Variants in MAST1 observed in about 807,000 individuals in gnomAD.
MAST1 encodes the protein microtubule associated serine/threonine kinase 1, also known as microtubule-associated serine/threonine-protein kinase 1.
In MAST1, 40 loss-of-function variants were observed where a neutral mutation model predicts 124.6. The ratio of observed to expected loss-of-function variants is 0.32; its 90% confidence interval spans 0.25 to 0.42. The LOEUF is 0.42. Among genes scored for constraint, MAST1 ranks in the 10% least tolerant of loss-of-function variants. The pLI, the probability that MAST1 is intolerant of heterozygous loss-of-function variation, is 1.00. For synonymous variants in MAST1, 938 were observed against 939.4 expected (o/e 1.00, Z 0.03); for missense variants, 1,558 against 2,181.9 (o/e 0.71, Z 5.70).
rs1044103377 is a variant in MAST1, at chr19:12,841,210, A to G, written c.248+144A>G. 5.1e-6 allele frequency: 3 copies of G among 587,804 alleles called. No individual in the cohort carries two copies. The African/African-American group carries it at 5.8e-5, about 11-fold the overall frequency. The allele number at this position is 587,804 out of a possible 1,614,324, so 36.4% of individuals were successfully genotyped here. ...GTGCCCCAAGGTCTCAGCGGGAAGG[A>G]GCGCCTAGCCTTCGGGGCGGGGCCT... On this transcript the variant is annotated intron_variant, in intron 3 of 25. Transcript: ENST00000251472. The surrounding 1 kb of genome is among the most constrained non-coding windows in gnomAD (Gnocchi z 4.3).
chr19:12,855,774 A>C (rs1970010174), intron 10 of MAST1, among the ~76,000 whole-genome samples: 1 of 152,196 alleles, frequency 6.6e-6, no homozygotes, highest in Non-Finnish European at 1.5e-5. Context: ...AAAGGTATTT[A>C]TCTCTCATTG....
rs1969908778 is a variant in MAST1 at position 12,847,544 on chromosome 19, C to T, written c.489-68C>T. Reference sequence around the variant, plus strand: ...GTCCCCGCGAATAAAAGGGTTACATCTTGGGGCGGGGGCTCTCTGCGGGCT... The same window carrying T: ...GTCCCCGCGAATAAAAGGGTTACATTTTGGGGCGGGGGCTCTCTGCGGGCT... On this transcript the variant is annotated intron_variant, in intron 5 of 25. Coordinates refer to ENST00000251472, the MANE Select transcript of MAST1 (RefSeq NM_014975.3). The surrounding 1 kb of genome is among the most constrained non-coding windows in gnomAD (Gnocchi z 5.5). 1 of 1,613,134 alleles carries T rather than the reference C, an allele frequency of 6.2e-7. No homozygotes were observed. Among genetic ancestry groups the T allele is most frequent in the East Asian group, 2.2e-5 (1 of 44,854 alleles).
chr19:12,852,098 C>A lies in MAST1; in HGVS notation c.877-17C>A, dbSNP rs755259094. ...ACCCTGGGAGCCTGTGGTGAGCCCA[C>A]TCCTGCCCTGCCTCAGGAATTCAAC... is the stretch of plus-strand genomic sequence containing the variant. On this transcript the variant is annotated splice_polypyrimidine_tract_variant and intron_variant, in intron 8 of 25. Transcript: ENST00000251472. 2.5e-6 allele frequency: 4 copies of A among 1,613,548 alleles called. No individual in the cohort carries two copies. Among genetic ancestry groups the A allele is most frequent in the Non-Finnish European group, 3.4e-6 (4 of 1,179,742 alleles).
rs1970148520 is a variant in MAST1, at chr19:12,865,923, G to A, written c.1907-57G>A. 3 of 1,611,290 alleles carry A rather than the reference G, an allele frequency of 1.9e-6. No homozygotes were observed. The highest frequency in any genetic ancestry group is 1.8e-4 in the Middle Eastern group (1 of 5,578). ...GGCCCCGGGGCGGAAGACATGGGGG[G>A]CGGGGCTGGGCTGCTGGGTTGGCCA... On this transcript the variant is annotated intron_variant, in intron 16 of 25. Transcript: ENST00000251472. This position sits in a 1 kb window ranked among gnomAD's most constrained non-coding sequence, Gnocchi z 7.1.
intron 24 of MAST1, 86 bp from the exon 25 acceptor site, chr19:12,873,238 G>A: frequency 7.4e-7 from 1 of 1,358,818 alleles, no homozygotes; most frequent in South Asian, 1.3e-5. Flanking sequence ...GGGGTGGGTG[G>A]TTACCGTTGT....
chr19:12,863,459 C>T (rs1046691281), intron 12 of MAST1, among the ~76,000 whole-genome samples: 2 of 152,144 alleles, frequency 1.3e-5, no homozygotes, highest in East Asian at 3.8e-4. Flanking sequence ...CTTTCTTGGT[C>T]ATTGGTGATT....
At chr19:12,848,097 A>G (rs1969918963) in intron 7 of MAST1, 40 bp downstream of exon 7, 1 of 1,578,148 alleles carries the variant, frequency 6.3e-7, no homozygotes, top group Non-Finnish European at 8.7e-7. Context: ...CAGGCTCAGC[A>G]CCGCCAGATT....
In MAST1 at chr19:12,847,280, CT is replaced by C. The variant is rs775103264; in HGVS notation, c.328-9del. The C allele has an allele frequency of 1.4e-5, 22 of 1,606,210 alleles. No homozygotes were observed. The highest frequency in any genetic ancestry group is 1.7e-5 in the Non-Finnish European group (20 of 1,174,350). ...GGTGGCTCTGACCCCGGCCCTGCCC[CT>C]GTCCCCAGTCCTCCTGCTCCTCCCA... On this transcript the variant is annotated splice_polypyrimidine_tract_variant and intron_variant, in intron 4 of 25. Coordinates refer to ENST00000251472, the MANE Select transcript of MAST1 (RefSeq NM_014975.3). This position sits in a 1 kb window ranked among gnomAD's most constrained non-coding sequence, Gnocchi z 5.5.
intron 12 of MAST1, among the ~76,000 whole-genome samples, chr19:12,859,790 A>G (rs920063189): frequency 6.8e-6 from 1 of 146,070 alleles, no homozygotes; most frequent in Non-Finnish European, 1.5e-5. Flanking sequence ...ATGCCATTGC[A>G]CTCCAGCCCT....
At position 12,869,171 on chromosome 19, in the gene MAST1, C is replaced by T; in HGVS notation, c.2879C>T (p.Ala960Val). 1 of 1,614,250 alleles carries T rather than the reference C, an allele frequency of 6.2e-7. No individual in the cohort carries two copies. The highest frequency in any genetic ancestry group is 8.5e-7 in the Non-Finnish European group (1 of 1,180,040). Residue 960 changes from alanine (A) to valine (V), a missense_variant, in exon 22 of 26, where the codon GCT (alanine) becomes GTT (valine). This residue lies in a region of MAST1 where 291 missense variants were observed against 475.8 expected (regional missense o/e 0.61). Coordinates refer to ENST00000251472, the MANE Select transcript of MAST1 (RefSeq NM_014975.3). Reference sequence around the variant, plus strand: ...TCACCCAGCCGGGACTACTCACCAGCTGTCAGTGGGCTCCGCTCCCCCATC... The same window carrying T: ...TCACCCAGCCGGGACTACTCACCAGTTGTCAGTGGGCTCCGCTCCCCCATC... ...DSSPSRDYSPAVSGLRSPITI... is the reference protein window; with the variant it reads ...DSSPSRDYSPVVSGLRSPITI...
Position 12,874,026 on chromosome 19 carries a change from G to A in MAST1, c.3869G>A (p.Gly1290Asp). ...CTGCGCAAACACAGCCTCGAGGTGG[G>A]CCACCCGGATTTCCGCAAGGACTTC... ...GALRKHSLEV[G>D]HPDFRKDFHG... Residue 1290 changes from glycine (G) to aspartate (D), a missense_variant, in exon 26 of 26, where the codon GGC becomes GAC. Coordinates refer to ENST00000251472, the MANE Select transcript of MAST1 (RefSeq NM_014975.3). This position sits in a 1 kb window ranked among gnomAD's most constrained non-coding sequence, Gnocchi z 6.6. 6.2e-7 allele frequency: 1 copy of A among 1,605,304 alleles called. No individual in the cohort carries two copies. Among genetic ancestry groups the A allele is most frequent in the Non-Finnish European group, 8.5e-7 (1 of 1,178,670 alleles).
In MAST1 at chr19:12,866,219, T is replaced by G. The variant is rs1599589147; in HGVS notation, c.2029+117T>G. 2.9e-6 allele frequency: 3 copies of G among 1,037,460 alleles called. No homozygotes were observed. The highest frequency in any genetic ancestry group is 3.7e-5 in the Admixed American group (1 of 27,012). The allele number at this position is 1,037,460 out of a possible 1,614,324, so 64.3% of individuals were successfully genotyped here. A position where few individuals can be genotyped will look rare whatever the true frequency, so the allele number is the denominator to read the frequency against. On this transcript the variant is annotated intron_variant, in intron 17 of 25. Coordinates refer to ENST00000251472, the MANE Select transcript of MAST1 (RefSeq NM_014975.3). The surrounding 1 kb of genome is among the most constrained non-coding windows in gnomAD (Gnocchi z 5.2). Reference sequence around the variant, plus strand: ...TAAGTACCAAGATGTGATGCCTAGGTGCGAAGGTGGTATTTTGGTGGGGGC... The same window carrying G: ...TAAGTACCAAGATGTGATGCCTAGGGGCGAAGGTGGTATTTTGGTGGGGGC...
chr19:12,849,107 A>T (rs1028282577), intron 7 of MAST1: 1 of 152,378 alleles, frequency 6.6e-6, no homozygotes, highest in Non-Finnish European at 1.5e-5. Context: ...TCCTTCTCCA[A>T]TGTCAGCCCC....
Position 12,867,905 on chromosome 19 carries a change from T to C in MAST1, c.2494T>C (p.Ser832Pro), listed in dbSNP as rs1424390140. The C allele has an allele frequency of 1.9e-6, 3 of 1,601,886 alleles. No individual in the cohort carries two copies. The highest frequency in any genetic ancestry group is 2.6e-6 in the Non-Finnish European group (3 of 1,175,790). The change falls in exon 20 of 26, where the codon TCC becomes CCC. Residue 832 changes from serine to proline, a missense_variant. Physicochemically the swap from Ser to Pro is moderately conservative, Grantham distance 74. Coordinates refer to ENST00000251472, the MANE Select transcript of MAST1 (RefSeq NM_014975.3). ...CCGGCCCAGCTCCGACCCCGCGGGATCCCTGGATGCACGGGCCCCCAAAGA... is the reference window on the plus strand; with the variant it reads ...CCGGCCCAGCTCCGACCCCGCGGGACCCCTGGATGCACGGGCCCCCAAAGA... ...PPRPSSDPAG[S>P]LDARAPKEET...
In MAST1 at chr19:12,852,370, C is replaced by G; in HGVS notation, c.1052C>G (p.Thr351Ser). 1.2e-6 allele frequency: 2 copies of G among 1,614,086 alleles called. No individual in the cohort carries two copies. Among genetic ancestry groups the G allele is most frequent in the South Asian group, 2.2e-5 (2 of 91,080 alleles). Residue 351 changes from threonine (T) to serine (S), a missense_variant, in exon 10 of 26, where the codon ACC becomes AGC. Thr to Ser is a moderately conservative substitution (Grantham distance 58, BLOSUM62 1). Around this residue, in one of 10 missense-constraint regions of MAST1, gnomAD observed 136 missense variants for 160.9 expected, o/e 0.85. Coordinates refer to ENST00000251472, the MANE Select transcript of MAST1 (RefSeq NM_014975.3). ...GAACAGGACAGTGGTGGTTCCAACA[C>G]CCCTGAGCAAGACGATCTCTCTGAG... ...LEEQDSGGSN[T>S]PEQDDLSEGR...
rs1178397692 is a variant in MAST1 at position 12,870,769 on chromosome 19, C to A, written c.3004-55C>A. On this transcript the variant is annotated intron_variant, in intron 22 of 25. Coordinates refer to ENST00000251472, the MANE Select transcript of MAST1 (RefSeq NM_014975.3). ...AGTGTCCTGCATATAAGTTTAGGAG[C>A]TTTCCTTGTTACCAATCCCACTAAC... 55 of 1,529,038 alleles carry A rather than the reference C, an allele frequency of 3.6e-5. 1 individual carries two copies. The South Asian group carries it at 6.9e-4, about 19-fold the overall frequency. 94.7% of individuals were successfully genotyped at this position (1,529,038 alleles called of 1,614,324 possible).
At chr19:12,855,654 A>G (rs891316917) in intron 10 of MAST1, among the ~76,000 whole-genome samples, 3 of 152,172 alleles carry the variant, frequency 2.0e-5, no homozygotes, top group Non-Finnish European at 2.9e-5. Flanking sequence ...ATATATACAC[A>G]TACCTTTCCT....
Position 12,864,909 on chromosome 19 carries a change from C to T in MAST1, c.1467C>T (p.His489=), listed in dbSNP as rs751718499. ...CGGTGCTAGCCCTGGAGTATTTGCA[C>T]AACTATGGCATCGTGCACCGCGACC... The part of the protein sequence containing the change: ...AETVLALEYL[H]NYGIVHRDLK... Residue 489 remains histidine (H), a synonymous_variant, in exon 13 of 26, where the codon CAC becomes CAT. Transcript: ENST00000251472. The T allele has an allele frequency of 2.5e-6, 4 of 1,614,134 alleles. No homozygotes were observed. Among genetic ancestry groups the T allele is most frequent in the Admixed American group, 1.7e-5 (1 of 60,020 alleles).
intron 4 of MAST1, among the ~76,000 whole-genome samples, chr19:12,844,388 C>T (rs1418270075): frequency 2.6e-5 from 4 of 152,138 alleles, no homozygotes; most frequent in African/African-American, 7.2e-5. Context: ...ATGTGGTAGG[C>T]GGGTTCTGCA....
Sources: allele counts gnomAD v4.1 joint callset (sites outside exome capture counted in the v4.1 genomes callset), GRCh38; gene constraint gnomAD v4.1.1; regional missense constraint gnomAD v4.1.1; non-coding constraint Gnocchi (gnomAD v3.1); transcripts MANE v1.5; gene names NCBI Gene and HGNC (gene_info 2026-07-23, HGNC 2026-07-21).